The following FHIT variants were observed in gnomAD, a reference collection of about 807,000 sequenced individuals.
FHIT encodes fragile histidine triad diadenosine triphosphatase, also known as bis(5'-adenosyl)-triphosphatase.
In FHIT, 19 loss-of-function variants were observed where a neutral mutation model predicts 17.9. The observed-to-expected ratio is 1.06, with a 90% CI of 0.74 to 1.56. The LOEUF (loss-of-function observed/expected upper bound fraction) is 1.56. Among genes scored for constraint, FHIT ranks in the 40% most tolerant of loss-of-function variants. FHIT has a pLI of 0.00. For synonymous variants in FHIT, 81 were observed against 69.7 expected (o/e 1.16, Z -0.81); for missense variants, 248 against 189.2 (o/e 1.31, Z -1.82).
At chr3:60,812,038 GT>G (rs1701585915) in intron 4 of FHIT, among the ~76,000 whole-genome samples, 1 of 152,072 alleles carries the variant, frequency 6.6e-6, no homozygotes, top group Non-Finnish European at 1.5e-5. Context: ...ACGCACTGAT[GT>G]AAAATTCTGC....
intron 5 of FHIT, among the ~76,000 whole-genome samples, chr3:60,123,606 C>A (rs1371801081): frequency 6.6e-6 from 1 of 151,950 alleles, no homozygotes; most frequent in Non-Finnish European, 1.5e-5. Context: ...TGTTTTAATA[C>A]CAACACAGAG....
chr3:59,870,871 G>A (rs1052646897), intron 8 of FHIT, among the ~76,000 whole-genome samples: 1 of 127,558 alleles, frequency 7.8e-6, no homozygotes, highest in Non-Finnish European at 1.8e-5. Flanking sequence ...GTGTGTGTGT[G>A]TGCGTGTGTG....
intron 8 of FHIT, among the ~76,000 whole-genome samples, chr3:59,866,746 A>G (rs1702669729): frequency 6.6e-6 from 1 of 152,184 alleles, no homozygotes; most frequent in Admixed American, 6.5e-5. Flanking sequence ...GTGCTTAGAA[A>G]GAATAGAATA....
intron 7 of FHIT, among the ~76,000 whole-genome samples, chr3:59,967,743 A>G (rs1024241725): frequency 6.6e-6 from 1 of 152,168 alleles, no homozygotes; most frequent in Non-Finnish European, 1.5e-5. Flanking sequence ...ATGCTACAAA[A>G]TACAACATAT....
chr3:60,574,788 C>T (rs544969371), intron 4 of FHIT, among the ~76,000 whole-genome samples: 69 of 152,088 alleles, frequency 4.5e-4, no homozygotes, highest in Non-Finnish European at 4.6e-4. Flanking sequence ...TCAGTCCTTC[C>T]GCTTGCCAGG....
At chr3:60,483,318 A>G (rs2033696268) in intron 5 of FHIT, among the ~76,000 whole-genome samples, 1 of 152,204 alleles carries the variant, frequency 6.6e-6, no homozygotes, top group African/African-American at 2.4e-5. Context: ...ACTCCTCCCT[A>G]AGTCATTTTA....
chr3:60,160,201 G>A (rs1700880920), intron 5 of FHIT, among the ~76,000 whole-genome samples: 1 of 152,072 alleles, frequency 6.6e-6, no homozygotes. Context: ...CCTTGGTTAA[G>A]AAAGGGAGGA....
intron 5 of FHIT, among the ~76,000 whole-genome samples, chr3:60,288,585 G>C (rs1414195039): frequency 1.3e-5 from 2 of 151,634 alleles, no homozygotes; most frequent in Non-Finnish European, 2.9e-5. Flanking sequence ...GTGTGTGTGT[G>C]TGTGTGTGTG....
chr3:59,975,453 C>T (rs528734866), intron 7 of FHIT, among the ~76,000 whole-genome samples: 1 of 152,164 alleles, frequency 6.6e-6, no homozygotes, highest in East Asian at 1.9e-4. Context: ...AGTTCCTGGC[C>T]ACACAGTAAC....
chr3:60,073,856 T>C (rs145074952), intron 5 of FHIT, among the ~76,000 whole-genome samples: 59 of 152,268 alleles, frequency 3.9e-4, no homozygotes, highest in African/African-American at 1.3e-3. Context: ...TAAACACTGC[T>C]ACTTCCTAAC....
At chr3:60,805,591 T>C (rs1273152754) in intron 4 of FHIT, among the ~76,000 whole-genome samples, 5 of 152,180 alleles carry the variant, frequency 3.3e-5, no homozygotes, top group Admixed American at 3.3e-4. Flanking sequence ...AGTCTCGCTC[T>C]GTCACCCAGG....
rs115166180 is a variant in FHIT at position 60,531,129 on chromosome 3, G to A, written c.103+5731C>T. On this transcript the variant is annotated intron_variant, in intron 5 of 9. Coordinates refer to ENST00000492590, the MANE Select transcript of FHIT (RefSeq NM_002012.4). The stretch of plus-strand genomic sequence containing the variant: ...TTTCTCCTCCAAAAGCTCTTAAGCT[G>A]GCTAATATACAACAAGCATGCACAG... Among the ~76,000 whole-genome samples the A allele has an allele frequency of 6.1e-3, 924 of 152,272 alleles. 14 individuals carry two copies. The highest frequency in any genetic ancestry group is 0.021 in the African/African-American group (859 of 41,558).
At chr3:60,098,515 T>C (rs1412607075) in intron 5 of FHIT, among the ~76,000 whole-genome samples, 1 of 152,182 alleles carries the variant, frequency 6.6e-6, no homozygotes, top group Non-Finnish European at 1.5e-5. Context: ...AAATGTCTTC[T>C]TTTGAGAAAT....
At chr3:61,179,000 T>C (rs1025630069) in intron 2 of FHIT, among the ~76,000 whole-genome samples, 1 of 142,564 alleles carries the variant, frequency 7.0e-6, no homozygotes, top group Non-Finnish European at 1.5e-5. Context: ...TTATTTCTTT[T>C]TCTTTTTCTT....
intron 5 of FHIT, among the ~76,000 whole-genome samples, chr3:60,312,996 T>G (rs951094402): frequency 6.6e-6 from 1 of 152,268 alleles, no homozygotes; most frequent in African/African-American, 2.4e-5. Context: ...TTGATTCAGG[T>G]TGATATGATT....
chr3:60,184,130 G>T (rs973150042), intron 5 of FHIT, among the ~76,000 whole-genome samples: 1 of 151,682 alleles, frequency 6.6e-6, no homozygotes, highest in Non-Finnish European at 1.5e-5. Flanking sequence ...TCGGATTACC[G>T]GGCATTATCA....
chr3:60,121,213 CATT>C (rs151208710), intron 5 of FHIT, among the ~76,000 whole-genome samples: 5,162 of 152,202 alleles, frequency 0.034, 110 homozygotes, highest in South Asian at 0.1. Context: ...CTATGTCCAA[CATT>C]ATTATTAGTA....
At chr3:61,195,363 G>A (rs1222079140) in intron 2 of FHIT, among the ~76,000 whole-genome samples, 3 of 152,152 alleles carry the variant, frequency 2.0e-5, no homozygotes, top group Non-Finnish European at 4.4e-5. Flanking sequence ...AAAGGTAGCT[G>A]CTTTAACAGA....
chr3:60,213,525 A>T lies in FHIT; in HGVS notation c.104-199373T>A, dbSNP rs948866417. On this transcript the variant is annotated intron_variant, in intron 5 of 9. Coordinates refer to ENST00000492590, the MANE Select transcript of FHIT (RefSeq NM_002012.4). ...TACACTGGCCATTTCCACCACAACCATACAGGATGGGGAAGGAGCAGTTTT... is the reference window on the plus strand; with the variant it reads ...TACACTGGCCATTTCCACCACAACCTTACAGGATGGGGAAGGAGCAGTTTT... Among the ~76,000 whole-genome samples the T allele has an allele frequency of 2.0e-5, 3 of 152,144 alleles. No homozygotes were observed. The South Asian group carries it at 6.2e-4, about 31-fold the overall frequency.
Sources: allele counts gnomAD v4.1 joint callset (sites outside exome capture counted in the v4.1 genomes callset), GRCh38; gene constraint gnomAD v4.1.1; transcripts MANE v1.5; gene names NCBI Gene and HGNC (gene_info 2026-07-23, HGNC 2026-07-21).